The following PASD1 variants were observed in gnomAD, a reference collection of about 807,000 sequenced individuals.
The protein encoded by PASD1 is circadian clock protein PASD1.
In PASD1, 13 loss-of-function variants were observed where a neutral mutation model predicts 58.8. The ratio of observed to expected loss-of-function variants is 0.22; its 90% CI spans 0.14 to 0.35. PASD1 has a LOEUF of 0.35. PASD1 is among the 10% of genes least tolerant of loss of function. The pLI is 1.00. For missense variants in PASD1, 734 were observed against 568.3 expected, an observed-to-expected ratio of 1.29 and a Z score of -2.96; for synonymous variants, 236 against 216.7, an observed-to-expected ratio of 1.09 and a Z score of -0.78.
intron 11 of PASD1, among the ~76,000 whole-genome samples, chrX:151,665,689 C>G (rs760827062): frequency 7.2e-5 from 8 of 111,397 alleles, no homozygotes; most frequent in Non-Finnish European, 1.3e-4. Flanking sequence ...GATTAGGTCA[C>G]CTCTCAAAAT....
Position 151,605,483 on chromosome X carries a change from A to G in PASD1, c.117+749A>G, listed in dbSNP as rs5970077. Reference sequence around the variant, plus strand: ...GGTCATAAAGGTGTGTGAGAAAGGCATTGTGTGAGTGAATCTTTTCAAACC... The same window carrying G: ...GGTCATAAAGGTGTGTGAGAAAGGCGTTGTGTGAGTGAATCTTTTCAAACC... On this transcript the variant is annotated intron_variant, in intron 3 of 15. Coordinates refer to ENST00000370357, the MANE Select transcript of PASD1 (RefSeq NM_173493.3). Among the ~76,000 whole-genome samples, 432 of 111,754 alleles carry G rather than the reference A, an allele frequency of 3.9e-3. 5 individuals are homozygous for G. The highest frequency in any genetic ancestry group is 0.013 in the African/African-American group (408 of 30,722).
chrX:151,606,072 A>G (rs771203741), intron 3 of PASD1, among the ~76,000 whole-genome samples: 38 of 112,727 alleles, frequency 3.4e-4, no homozygotes, highest in Non-Finnish European at 6.4e-4. Flanking sequence ...GTTCACAACT[A>G]CAGAACATAT....
Position 151,672,224 on chromosome X carries a change from G to A in PASD1, c.1479G>A (p.Gln493=), listed in dbSNP as rs1336269787. 2 of 1,137,597 alleles carry A rather than the reference G, an allele frequency of 1.8e-6. No individual in the cohort carries two copies. Among genetic ancestry groups the A allele is most frequent in the African/African-American group, 3.6e-5 (2 of 55,241 alleles). 93.8% of individuals were successfully genotyped at this position (1,137,597 alleles called of 1,213,427 possible). The stretch of plus-strand genomic sequence containing the variant: ...AAGAACAACACCTGAAGGAGCAGCA[G>A]CGGCAGCTGCGGGAGCAGCTGCAAC... ...VQQEQHLKEQ[Q]RQLREQLQQL... Residue 493 remains glutamine, a synonymous_variant, in exon 14 of 16, where the codon CAG becomes CAA. Transcript: ENST00000370357.
chrX:151,649,817 C>G, intron 9 of PASD1, among the ~76,000 whole-genome samples: 1 of 112,046 alleles, frequency 8.9e-6, no homozygotes, highest in Non-Finnish European at 1.9e-5. Context: ...TTTCAGGCCT[C>G]CATGTGTTTT....
intron 10 of PASD1, among the ~76,000 whole-genome samples, chrX:151,661,715 T>C (rs1223077275): frequency 1.8e-5 from 2 of 110,625 alleles, no homozygotes; most frequent in African/African-American, 6.6e-5. Context: ...ATAATATGTG[T>C]TTTTAGTTTC....
At chrX:151,581,704 T>C (rs1240695893) in intron 1 of PASD1, among the ~76,000 whole-genome samples, 1 of 111,419 alleles carries the variant, frequency 9.0e-6, no homozygotes, top group Non-Finnish European at 1.9e-5. Context: ...TTGATTTCTT[T>C]TGGAGAGGAA....
intron 1 of PASD1, among the ~76,000 whole-genome samples, chrX:151,601,258 G>T (rs1016913943): frequency 8.9e-6 from 1 of 111,944 alleles, no homozygotes; most frequent in South Asian, 3.7e-4. Context: ...TGTAACCACA[G>T]AATGTTTTTG....
intron 4 of PASD1, among the ~76,000 whole-genome samples, chrX:151,616,560 C>T (rs1469433445): frequency 9.1e-6 from 1 of 109,387 alleles, no homozygotes; most frequent in Non-Finnish European, 1.9e-5. Flanking sequence ...GTTCCAGTCA[C>T]TGCCCCCTGT....
intron 14 of PASD1, 197 bp downstream of exon 14, chrX:151,672,858 C>A: frequency 4.8e-6 from 3 of 629,657 alleles, no homozygotes; most frequent in Non-Finnish European, 7.0e-6. Flanking sequence ...CATGGATGAG[C>A]ATCCATTGAT....
intron 1 of PASD1, among the ~76,000 whole-genome samples, chrX:151,587,267 T>G (rs1230281585): frequency 9.7e-6 from 1 of 103,225 alleles, no homozygotes; most frequent in East Asian, 3.0e-4. Context: ...GGAACAGGAT[T>G]AGGATTAGCT....
chrX:151,621,956 G>A (rs751093032), intron 6 of PASD1, among the ~76,000 whole-genome samples: 46 of 109,771 alleles, frequency 4.2e-4, no homozygotes, highest in Non-Finnish European at 7.8e-4. Flanking sequence ...ATTTTGTGGT[G>A]GCCTCGGTGG....
Position 151,671,790 on chromosome X carries a change from G to A in PASD1, c.1437+11G>A. 8.4e-7 allele frequency: 1 copy of A among 1,194,649 alleles called. No homozygotes were observed. The highest frequency in any genetic ancestry group is 1.8e-5 in the South Asian group (1 of 56,527). Reference sequence around the variant, plus strand: ...GTTGCCTTCAACCAGGTATGGAAAGGCTGTTTTAACTGTGTATCTGAAAGG... The same window carrying A: ...GTTGCCTTCAACCAGGTATGGAAAGACTGTTTTAACTGTGTATCTGAAAGG... On this transcript the variant is annotated intron_variant, in intron 13 of 15. Coordinates refer to ENST00000370357, the MANE Select transcript of PASD1 (RefSeq NM_173493.3).
rs755719678 is a variant in PASD1, at chrX:151,672,247, A to C, written c.1502A>C (p.Gln501Pro). The change falls in exon 14 of 16, where the codon CAA (glutamine) becomes CCA (proline). Residue 501 changes from glutamine (Q) to proline (P), a missense_variant. Gln to Pro is a moderately conservative substitution (Grantham distance 76). Coordinates refer to ENST00000370357, the MANE Select transcript of PASD1 (RefSeq NM_173493.3). Reference sequence around the variant, plus strand: ...CAGCGGCAGCTGCGGGAGCAGCTGCAACAGCTGAGAGAGCAAAGGAAGGTG... The same window carrying C: ...CAGCGGCAGCTGCGGGAGCAGCTGCCACAGCTGAGAGAGCAAAGGAAGGTG... ...EQQRQLREQL[Q>P]QLREQRKVQK... The C allele has an allele frequency of 2.5e-4, 294 of 1,164,545 alleles. No homozygotes were observed. The highest frequency in any genetic ancestry group is 3.2e-4 in the Non-Finnish European group (279 of 872,250).
intron 2 of PASD1, among the ~76,000 whole-genome samples, chrX:151,604,250 C>G (rs775349371): frequency 8.9e-6 from 1 of 111,793 alleles, no homozygotes; most frequent in Non-Finnish European, 1.9e-5. Context: ...AGTGGAATTT[C>G]ATAATTTAGT....
At chrX:151,617,710 C>T (rs1485774028) in intron 4 of PASD1, among the ~76,000 whole-genome samples, 1 of 111,754 alleles carries the variant, frequency 8.9e-6, no homozygotes, top group Non-Finnish European at 1.9e-5. Context: ...ATTTTCTGTT[C>T]CTGATGCAAA....
At chrX:151,666,056 T>TTC (rs199581754) in intron 11 of PASD1, among the ~76,000 whole-genome samples, 1 of 107,983 alleles carries the variant, frequency 9.3e-6, no homozygotes, top group Non-Finnish European at 1.9e-5. Flanking sequence ...TTGTAGGGTA[T>TTC]TCTCTCTCTC....
chrX:151,615,813 T>C (rs1165203033), intron 4 of PASD1, among the ~76,000 whole-genome samples: 1 of 112,495 alleles, frequency 8.9e-6, no homozygotes, highest in African/African-American at 3.2e-5. Context: ...TCTAACTGCC[T>C]GACCTTTAGT....
chrX:151,567,894 G>T (rs1177671504), intron 1 of PASD1, among the ~76,000 whole-genome samples: 2 of 110,299 alleles, frequency 1.8e-5, no homozygotes, highest in African/African-American at 6.6e-5. Flanking sequence ...GCTAATTTTT[G>T]TTTTTTTTGT....
At chrX:151,636,957 A>G (rs1043743965) in intron 8 of PASD1, among the ~76,000 whole-genome samples, 1 of 111,747 alleles carries the variant, frequency 8.9e-6, no homozygotes, top group African/African-American at 3.3e-5. Flanking sequence ...TCATCCTTAT[A>G]GTTTTGTGTT....
Sources: gnomAD v4.1 joint callset for allele counts (sites outside exome capture counted in the v4.1 genomes callset) on GRCh38, gnomAD v4.1.1 for gene constraint, MANE v1.5 for transcripts, NCBI Gene and HGNC (gene_info 2026-07-23, HGNC 2026-07-21) for gene names.